MBNL1: variants seen among roughly 807,000 people sequenced by gnomAD.
MBNL1 encodes muscleblind like splicing regulator 1.
MBNL1 carries 8 observed loss-of-function variants against 42.2 expected under a neutral mutation model. The ratio of observed to expected loss-of-function variants is 0.19; its 90% CI spans 0.11 to 0.34. MBNL1 has a LOEUF of 0.34. Among genes scored for constraint, MBNL1 ranks in the 10% least tolerant of loss-of-function variants. The probability of loss-of-function intolerance (pLI) is 1.00; values close to 1 mark genes in which losing one functional copy is unlikely to be tolerated. For missense variants in MBNL1, 309 were observed against 495.3 expected (o/e 0.62, Z 3.57); for synonymous variants, 169 against 173.9 (o/e 0.97, Z 0.22).
intron 3 of MBNL1, among the ~76,000 whole-genome samples, chr3:152,417,660 A>G (rs1277599027): frequency 4.6e-5 from 7 of 152,126 alleles, no homozygotes; most frequent in Admixed American, 4.6e-4. Context: ...ATCAATAATT[A>G]CTTGATGAGT....
chr3:152,377,015 A>G (rs1479011029), intron 2 of MBNL1, among the ~76,000 whole-genome samples: 1 of 152,090 alleles, frequency 6.6e-6, no homozygotes, highest in Non-Finnish European at 1.5e-5. Flanking sequence ...AGTGATTTAC[A>G]TGCGAACTTG....
Position 152,447,688 on chromosome 3 carries a change from C to T in MBNL1, c.876C>T (p.Thr292=), listed in dbSNP as rs34089501. 359 of 1,613,618 alleles carry T rather than the reference C, an allele frequency of 2.2e-4. No individual in the cohort carries two copies. The highest frequency in any genetic ancestry group is 2.7e-4 in the Non-Finnish European group (321 of 1,179,632). ...CTCTTGAAAAAACCAACGGTGCCAC[C>T]GCAGTCTTTAACACTGGTATTTTCC... ...RPALEKTNGA[T]AVFNTGIFQY... The change falls in exon 6 of 10, where the codon ACC becomes ACT. Residue 292 remains threonine, a synonymous_variant. Coordinates refer to ENST00000324210, the MANE Select transcript of MBNL1 (RefSeq NM_021038.5).
chr3:152,325,889 A>G (rs933337802), intron 2 of MBNL1, among the ~76,000 whole-genome samples: 1 of 152,014 alleles, frequency 6.6e-6, no homozygotes, highest in Non-Finnish European at 1.5e-5. Flanking sequence ...GAGAAACAAT[A>G]TAACAACCCC....
chr3:152,426,376 AT>A (rs1366324618), intron 3 of MBNL1, among the ~76,000 whole-genome samples: 2 of 152,230 alleles, frequency 1.3e-5, no homozygotes, highest in African/African-American at 2.4e-5. Flanking sequence ...AATCAAAAAA[AT>A]AAAACTTCTG....
At chr3:152,327,950 C>G (rs1447987804) in intron 2 of MBNL1, among the ~76,000 whole-genome samples, 1 of 151,924 alleles carries the variant, frequency 6.6e-6, no homozygotes, top group Non-Finnish European at 1.5e-5. Flanking sequence ...CTGTATGTGA[C>G]AAACAAGGAA....
intron 2 of MBNL1, among the ~76,000 whole-genome samples, chr3:152,380,953 C>T (rs1270492632): frequency 6.6e-6 from 1 of 151,842 alleles, no homozygotes. Flanking sequence ...AGTTCTTATA[C>T]CTTAATATTT....
chr3:152,359,950 A>G (rs2095818358), intron 2 of MBNL1, among the ~76,000 whole-genome samples: 1 of 152,230 alleles, frequency 6.6e-6, no homozygotes, highest in Admixed American at 6.5e-5. Context: ...AGTGAGATTT[A>G]AAAATTATAC....
At chr3:152,263,933 C>T (rs1240204418), upstream of MBNL1, 2 of 151,952 alleles carry the variant, frequency 1.3e-5, no homozygotes, top group Non-Finnish European at 2.9e-5. Flanking sequence ...ACCATGAACC[C>T]TGGCCTTAGG....
chr3:152,267,805 T>C (rs911136419), upstream of MBNL1: 2 of 152,206 alleles, frequency 1.3e-5, no homozygotes, highest in Non-Finnish European at 2.9e-5. Flanking sequence ...TCTGATGTTT[T>C]TCCTTCACCT....
intron 1 of MBNL1, among the ~76,000 whole-genome samples, chr3:152,272,055 C>CTG (rs1410037356): frequency 6.6e-6 from 1 of 151,710 alleles, no homozygotes; most frequent in Non-Finnish European, 1.5e-5. Flanking sequence ...CTCTCTCTCT[C>CTG]TCTCTCTCTC....
chr3:152,456,161 TA>T, intron 7 of MBNL1, 105 bp from the exon 8 acceptor site: 1 of 769,118 alleles, frequency 1.3e-6, no homozygotes, highest in Non-Finnish European at 2.4e-6. Flanking sequence ...TCACATGGCT[TA>T]TTGCTGTGAT....
intron 2 of MBNL1, among the ~76,000 whole-genome samples, chr3:152,373,419 A>G (rs1032440283): frequency 5.3e-5 from 8 of 151,688 alleles, no homozygotes; most frequent in Non-Finnish European, 1.0e-4. Context: ...TTTGCGCTTG[A>G]AACCCAGGGC....
intron 2 of MBNL1, among the ~76,000 whole-genome samples, chr3:152,369,541 G>A (rs1254520930): frequency 1.3e-5 from 2 of 152,150 alleles, no homozygotes; most frequent in African/African-American, 4.8e-5. Flanking sequence ...AGTGATGGAG[G>A]AGTCCCTCTT....
At chr3:152,249,580 C>G (rs2034119526) in intron 2 of MBNL1, among the ~76,000 whole-genome samples, 1 of 146,256 alleles carries the variant, frequency 6.8e-6, no homozygotes, top group Admixed American at 6.9e-5. Context: ...CCTGTTCACT[C>G]TGATGGTAGT....
intron 6 of MBNL1, among the ~76,000 whole-genome samples, chr3:152,452,426 A>G (rs1044503782): frequency 1.1e-4 from 17 of 152,100 alleles, no homozygotes; most frequent in Non-Finnish European, 1.5e-4. Context: ...CCTTACCTCA[A>G]TGTGAGGTCC....
chr3:152,382,954 G>A (rs1160060755), intron 2 of MBNL1, among the ~76,000 whole-genome samples: 2 of 152,074 alleles, frequency 1.3e-5, no homozygotes, highest in East Asian at 3.8e-4. Flanking sequence ...TTGAGAGGTA[G>A]TGAGATTTTT....
chr3:152,345,403 A>G (rs968029825), intron 2 of MBNL1, among the ~76,000 whole-genome samples: 1 of 152,128 alleles, frequency 6.6e-6, no homozygotes, highest in Non-Finnish European at 1.5e-5. Flanking sequence ...TGTCATCAGA[A>G]ATAAAAGTGA....
At chr3:152,337,776 TATCTC>T (rs1398112400) in intron 2 of MBNL1, among the ~76,000 whole-genome samples, 2 of 152,176 alleles carry the variant, frequency 1.3e-5, no homozygotes, top group Non-Finnish European at 2.9e-5. Context: ...ATTCTTCTCT[TATCTC>T]ATTGAATTTC....
intron 1 of MBNL1, among the ~76,000 whole-genome samples, chr3:152,294,087 C>G (rs1380738251): frequency 6.6e-6 from 1 of 151,340 alleles, no homozygotes; most frequent in East Asian, 1.9e-4. Flanking sequence ...TTTATTTTCT[C>G]CCTTATATTT....
Sources: gnomAD v4.1 joint callset for allele counts (sites outside exome capture counted in the v4.1 genomes callset) on GRCh38, gnomAD v4.1.1 for gene constraint, MANE v1.5 for transcripts, NCBI Gene and HGNC (gene_info 2026-07-23, HGNC 2026-07-21) for gene names.